Variants in UQCC1 observed in about 807,000 individuals in gnomAD.
UQCC1 encodes the protein bFGF-repressed Zic-binding protein.
Under a neutral mutation model 48.0 loss-of-function variants are expected in UQCC1, and 38 were observed. The ratio of observed to expected loss-of-function variants is 0.79; its 90% CI spans 0.61 to 1.04. The LOEUF is 1.04. UQCC1 is among the 50% of genes least tolerant of loss of function. The pLI is 0.00. For missense variants in UQCC1, 368 were observed against 381.8 expected, an observed-to-expected ratio of 0.96 and a Z score of 0.30; for synonymous variants, 111 against 129.2, an observed-to-expected ratio of 0.86 and a Z score of 0.95.
At chr20:35,349,297 A>G (rs2061464885) in intron 6 of UQCC1, among the ~76,000 whole-genome samples, 1 of 152,238 alleles carries the variant, frequency 6.6e-6, no homozygotes, top group Non-Finnish European at 1.5e-5. Context: ...TGAATCTAAC[A>G]AGATCAACCT....
chr20:35,307,668 T>C (rs1429866491), intron 8 of UQCC1, among the ~76,000 whole-genome samples: 1 of 152,126 alleles, frequency 6.6e-6, no homozygotes, highest in Non-Finnish European at 1.5e-5. Context: ...AAGTCCTAAT[T>C]CCACCTCTGC....
At chr20:35,400,753 C>T (rs2062152593) in intron 1 of UQCC1, among the ~76,000 whole-genome samples, 1 of 152,162 alleles carries the variant, frequency 6.6e-6, no homozygotes, top group African/African-American at 2.4e-5. Context: ...CCTCGGCCTC[C>T]CAAAGTGCTG....
intron 9 of UQCC1, among the ~76,000 whole-genome samples, chr20:35,305,725 A>G (rs2060921303): frequency 6.6e-6 from 1 of 152,210 alleles, no homozygotes; most frequent in Admixed American, 6.5e-5. Context: ...TCTTCTCAAG[A>G]GCTGAAGTCC....
At position 35,394,089 on chromosome 20, in the gene UQCC1, T is replaced by TA; in HGVS notation, c.129+2dup. 1 of 1,612,344 alleles carries TA rather than the reference T, an allele frequency of 6.2e-7. No individual in the cohort carries two copies. The highest frequency in any genetic ancestry group is 8.5e-7 in the Non-Finnish European group (1 of 1,178,448). ...TACTAAGCAAAAGAACAACAAATCT[T>TA]ACCTGGGAAGTGCGAGACAGAGCCC... On this transcript the variant is annotated splice_region_variant and intron_variant, in intron 2 of 9. Transcript: ENST00000374385.
chr20:35,327,318 A>G (rs2146338965), intron 7 of UQCC1, among the ~76,000 whole-genome samples: 1 of 152,366 alleles, frequency 6.6e-6, no homozygotes, highest in South Asian at 2.1e-4. Flanking sequence ...TTTGTCTTTC[A>G]CTGCTGTGTC....
intron 7 of UQCC1, among the ~76,000 whole-genome samples, chr20:35,341,964 C>A (rs1038086296): frequency 6.6e-6 from 1 of 152,104 alleles, no homozygotes; most frequent in African/African-American, 2.4e-5. Flanking sequence ...GAGAGGTGGT[C>A]TGGAGTGTGA....
chr20:35,351,855 A>G lies in UQCC1; in HGVS notation c.465-4583T>C, dbSNP rs75007567. On this transcript the variant is annotated intron_variant, in intron 6 of 9. Transcript: ENST00000374385. ...CCAGTTGAAAAGATAAGGCAAAATG[A>G]AGACACTTTCAAAATGGTGACTGAC... is the stretch of plus-strand genomic sequence containing the variant. Among the ~76,000 whole-genome samples, 507 of 152,404 alleles carry G rather than the reference A, an allele frequency of 3.3e-3. 1 individual carries two copies. The highest frequency in any genetic ancestry group is 6.8e-3 in the Middle Eastern group (2 of 294).
intron 1 of UQCC1, among the ~76,000 whole-genome samples, chr20:35,402,910 C>CA (rs1015869627): frequency 4.6e-5 from 7 of 150,678 alleles, no homozygotes; most frequent in African/African-American, 7.3e-5. Context: ...TACTAAAATA[C>CA]AAAAAAATTA....
chr20:35,304,216 C>A lies in UQCC1; in HGVS notation c.766-147G>T, dbSNP rs1295896567. 5.9e-6 allele frequency: 6 copies of A among 1,024,814 alleles called. No homozygotes were observed. The African/African-American group carries it at 6.5e-5, about 11-fold the overall frequency. The allele number at this position is 1,024,814 out of a possible 1,614,324, so 63.5% of individuals were successfully genotyped here. ...GACCATCCCAGGTCCCAGACCAAGCCGTCCCAGGCCAAGCCGTCTCTGATC... is the reference window on the plus strand; with the variant it reads ...GACCATCCCAGGTCCCAGACCAAGCAGTCCCAGGCCAAGCCGTCTCTGATC... On this transcript the variant is annotated intron_variant, in intron 9 of 9. Transcript: ENST00000374385.
intron 7 of UQCC1, among the ~76,000 whole-genome samples, chr20:35,343,658 G>C (rs1022225395): frequency 2.0e-5 from 3 of 152,122 alleles, no homozygotes; most frequent in African/African-American, 7.2e-5. Flanking sequence ...TCATCCTTTA[G>C]TTATAGTCTT....
intron 6 of UQCC1, among the ~76,000 whole-genome samples, chr20:35,354,584 G>A (rs557128351): frequency 3.9e-5 from 6 of 152,218 alleles, no homozygotes; most frequent in African/African-American, 1.2e-4. Flanking sequence ...TTTTAGTGGA[G>A]ACGGGGTTTC....
chr20:35,338,266 T>A (rs1204592369), intron 7 of UQCC1, among the ~76,000 whole-genome samples: 1 of 152,016 alleles, frequency 6.6e-6, no homozygotes, highest in Non-Finnish European at 1.5e-5. Flanking sequence ...GGCTTGGGAG[T>A]GCACTGAAGA....
chr20:35,347,373 G>T, intron 6 of UQCC1, 101 bp from the exon 7 acceptor site: 1 of 1,418,170 alleles, frequency 7.1e-7, no homozygotes, highest in Non-Finnish European at 9.7e-7. Flanking sequence ...TTAGCAAAGG[G>T]CACCAAATCA....
At chr20:35,388,889 AC>A (rs2061979687) in intron 2 of UQCC1, among the ~76,000 whole-genome samples, 1 of 151,926 alleles carries the variant, frequency 6.6e-6, no homozygotes, top group South Asian at 2.1e-4. Flanking sequence ...ACATGGTGAA[AC>A]CCCTTCTCTA....
At chr20:35,366,477 C>T (rs2061667486) in intron 6 of UQCC1, 80 bp downstream of exon 6, 5 of 1,213,644 alleles carry the variant, frequency 4.1e-6, no homozygotes, top group Admixed American at 4.0e-5. Context: ...ATATAATCAG[C>T]CCTCCTGAAG....
chr20:35,316,724 C>T (rs988130843), intron 7 of UQCC1, among the ~76,000 whole-genome samples: 13 of 152,060 alleles, frequency 8.5e-5, no homozygotes, highest in African/African-American at 1.2e-4. Flanking sequence ...CGGCAACCTC[C>T]GCCTCCCGGG....
intron 8 of UQCC1, among the ~76,000 whole-genome samples, chr20:35,308,431 T>C (rs2146294557): frequency 6.6e-6 from 1 of 152,374 alleles, no homozygotes; most frequent in African/African-American, 2.4e-5. Flanking sequence ...CCACATGTGC[T>C]GTGCAGAAAG....
intron 9 of UQCC1, chr20:35,304,672 G>A (rs997139626): frequency 1.3e-5 from 2 of 153,924 alleles, no homozygotes; most frequent in African/African-American, 4.8e-5. Context: ...TGGGCCCCTG[G>A]TCAGTGGGCC....
rs377293471 is a variant in UQCC1 at position 35,347,296 on chromosome 20, A to G, written c.465-24T>C. On this transcript the variant is annotated intron_variant, in intron 6 of 9. Transcript: ENST00000374385. ...TCCTGGGTGGGAAGAAGACAAAAAA[A>G]GTCTTGGCTGTTTGCATTTTTCACA... is the stretch of plus-strand genomic sequence containing the variant. 10 of 1,611,998 alleles carry G rather than the reference A, an allele frequency of 6.2e-6. No homozygotes were observed. In the South Asian group the frequency reaches 6.6e-5, roughly 11 times the overall value.
Sources: allele counts gnomAD v4.1 joint callset (sites outside exome capture counted in the v4.1 genomes callset), GRCh38; gene constraint gnomAD v4.1.1; transcripts MANE v1.5; gene names NCBI Gene and HGNC (gene_info 2026-07-23, HGNC 2026-07-21).